EIF4G3: variants seen among roughly 807,000 people sequenced by gnomAD.
EIF4G3 encodes eIF-4-gamma 3.
EIF4G3 carries 34 observed loss-of-function variants against 186.4 expected under a neutral mutation model. The ratio of observed to expected loss-of-function variants is 0.18; its 90% CI spans 0.14 to 0.24. The LOEUF (loss-of-function observed/expected upper bound fraction) is 0.24. Among genes scored for constraint, EIF4G3 ranks in the 10% least tolerant of loss-of-function variants. The probability of loss-of-function intolerance (pLI) is 1.00; values close to 1 mark genes in which losing one functional copy is unlikely to be tolerated. For synonymous variants in EIF4G3, 673 were observed against 679.5 expected (o/e 0.99, Z 0.15); for missense variants, 1,536 against 1,948.5 (o/e 0.79, Z 3.99).
At chr1:21,141,939 A>C (rs1189748683) in intron 2 of EIF4G3, among the ~76,000 whole-genome samples, 4 of 152,202 alleles carry the variant, frequency 2.6e-5, no homozygotes, top group African/African-American at 9.6e-5. Flanking sequence ...TGTCTCCAAA[A>C]AAAAAAACAA....
intron 2 of EIF4G3, among the ~76,000 whole-genome samples, chr1:21,097,070 A>C (rs1410402350): frequency 1.3e-5 from 2 of 152,220 alleles, no homozygotes; most frequent in Non-Finnish European, 2.9e-5. Context: ...TTACCACAAA[A>C]AATAAACTTT....
Position 20,879,461 on chromosome 1 carries a change from T to C in EIF4G3, c.2484A>G (p.Gln828=), listed in dbSNP as rs772540197. 19 of 1,566,654 alleles carry C rather than the reference T, an allele frequency of 1.2e-5. No individual in the cohort carries two copies. In the East Asian group the frequency reaches 2.4e-4, roughly 19 times the overall value. The change falls in exon 20 of 37, where the codon CAA becomes CAG. Residue 828 remains glutamine (Q), a synonymous_variant. Transcript: ENST00000602326. ...TAAGTCCTGACACTTGCTTCATCAG[T>C]TGATTGAACATCTGTGGTGTCAATT... is the stretch of plus-strand genomic sequence containing the variant. ...LNKLTPQMFN[Q]LMKQVSGLTV...
At chr1:21,025,930 G>C (rs963902466) in intron 4 of EIF4G3, among the ~76,000 whole-genome samples, 1 of 152,086 alleles carries the variant, frequency 6.6e-6, no homozygotes, top group Non-Finnish European at 1.5e-5. Flanking sequence ...ATTATCCCCT[G>C]TTCATGAACT....
At chr1:20,888,226 A>T (rs1371637718) in intron 18 of EIF4G3, among the ~76,000 whole-genome samples, 1 of 152,198 alleles carries the variant, frequency 6.6e-6, no homozygotes, top group Non-Finnish European at 1.5e-5. Flanking sequence ...TGAGTTTCAA[A>T]TGAGCAACAG....
chr1:20,815,662 G>GC (rs1187545464), intron 34 of EIF4G3, among the ~76,000 whole-genome samples: 4 of 140,284 alleles, frequency 2.9e-5, no homozygotes, highest in African/African-American at 8.1e-5. Context: ...GGGGGGGTCA[G>GC]CCCCCCGCCC....
In EIF4G3 at chr1:21,176,889, A is replaced by G. The variant is rs1335655521; in HGVS notation, c.-623T>C. 2 of 691,572 alleles carry G rather than the reference A, an allele frequency of 2.9e-6. No individual in the cohort carries two copies. Among genetic ancestry groups the G allele is most frequent in the Non-Finnish European group, 5.3e-6 (2 of 378,946 alleles). 42.8% of individuals were successfully genotyped at this position (691,572 alleles called of 1,614,324 possible). ...CTGTGGCCGCCTCCAGCAGTCCGGCAGGACGGCTGCTCGGAAAACTTCGGA... is the reference window on the plus strand; with the variant it reads ...CTGTGGCCGCCTCCAGCAGTCCGGCGGGACGGCTGCTCGGAAAACTTCGGA... On this transcript the variant is annotated 5_prime_UTR_variant, in exon 1 of 37. Coordinates refer to ENST00000602326, the MANE Select transcript of EIF4G3 (RefSeq NM_001391906.1).
At position 21,022,568 on chromosome 1, in the gene EIF4G3, A is replaced by G. The variant is rs151222479; in HGVS notation, c.-66-19760T>C. ...CAGGCTTCTTTTCCCATTCCCACTA[A>G]TAAGTTATACTTTCCCTCAATAACA... is the stretch of plus-strand genomic sequence containing the variant. On this transcript the variant is annotated intron_variant, in intron 4 of 36. Coordinates refer to ENST00000602326, the MANE Select transcript of EIF4G3 (RefSeq NM_001391906.1). Among the ~76,000 whole-genome samples the G allele has an allele frequency of 9.5e-4, 145 of 152,282 alleles. 1 individual carries two copies. In the East Asian group the frequency reaches 0.027, roughly 28 times the overall value.
intron 33 of EIF4G3, among the ~76,000 whole-genome samples, chr1:20,824,181 TTCTAAG>T (rs1309084702): frequency 1.3e-5 from 2 of 152,242 alleles, no homozygotes; most frequent in African/African-American, 4.8e-5. Flanking sequence ...CTTCCACCTC[TTCTAAG>T]TCCAGTAACA....
chr1:21,029,991 G>A (rs1400863857), intron 4 of EIF4G3, among the ~76,000 whole-genome samples: 1 of 152,096 alleles, frequency 6.6e-6, no homozygotes, highest in African/African-American at 2.4e-5. Context: ...AAGTAGCTGA[G>A]ACTACAGGTG....
chr1:20,864,945 C>G (rs1042923179), intron 21 of EIF4G3, among the ~76,000 whole-genome samples, 171 bp downstream of exon 21: 1 of 151,954 alleles, frequency 6.6e-6, no homozygotes, highest in East Asian at 1.9e-4. Flanking sequence ...ATATTAGGCA[C>G]TAAAAGGAAC....
At chr1:20,966,807 T>A (rs867546068) in intron 12 of EIF4G3, among the ~76,000 whole-genome samples, 31 of 152,204 alleles carry the variant, frequency 2.0e-4, no homozygotes, top group Non-Finnish European at 1.6e-4. Context: ...CAAATGTCAG[T>A]TGTCATCATT....
In EIF4G3 at chr1:21,138,311, G is replaced by A. The variant is rs941187318; in HGVS notation, c.-272+37864C>T. Among the ~76,000 whole-genome samples the A allele has an allele frequency of 1.7e-4, 26 of 152,160 alleles. 1 individual carries two copies. Among genetic ancestry groups the A allele is most frequent in the Admixed American group, 6.5e-5 (1 of 15,268 alleles). ...TCTTCACTGTCTAGAAAGAAGTCAC[G>A]AAAATTAACTCAATAGGTACATGAA... On this transcript the variant is annotated intron_variant, in intron 2 of 36. Coordinates refer to ENST00000602326, the MANE Select transcript of EIF4G3 (RefSeq NM_001391906.1).
At position 21,042,139 on chromosome 1, in the gene EIF4G3, G is replaced by A. The variant is rs112771708; in HGVS notation, c.-67+8727C>T. On this transcript the variant is annotated intron_variant, in intron 4 of 36. Coordinates refer to ENST00000602326, the MANE Select transcript of EIF4G3 (RefSeq NM_001391906.1). The stretch of plus-strand genomic sequence containing the variant: ...TCAGGTGAGACGAGAGGCCCACGCC[G>A]CCATACCCGGCTAATTTTTGTAGAG... Among the ~76,000 whole-genome samples the A allele has an allele frequency of 6.2e-3, 937 of 152,052 alleles. 13 individuals carry two copies. Among genetic ancestry groups the A allele is most frequent in the East Asian group, 0.023 (121 of 5,150 alleles).
In EIF4G3 at chr1:21,111,369, T is replaced by G. The variant is rs554343401; in HGVS notation, c.-271-22156A>C. The G allele has an allele frequency of 2.1e-4, 99 of 471,652 alleles. 1 individual carries two copies. Among genetic ancestry groups the G allele is most frequent in the South Asian group, 1.3e-3 (84 of 64,564 alleles). The allele number at this position is 471,652 out of a possible 1,614,324, so 29.2% of individuals were successfully genotyped here. A position where few individuals can be genotyped will look rare whatever the true frequency, so the allele number is the denominator to read the frequency against. ...CTCCAAACTTCAGTTTCCTCATCAATACTCTGTGGGATTGCTGGAAAGAAT... is the reference window on the plus strand; with the variant it reads ...CTCCAAACTTCAGTTTCCTCATCAAGACTCTGTGGGATTGCTGGAAAGAAT... On this transcript the variant is annotated intron_variant, in intron 2 of 36. Transcript: ENST00000602326.
intron 26 of EIF4G3, 90 bp downstream of exon 26, chr1:20,854,888 A>C (rs2154550976): frequency 4.5e-6 from 5 of 1,120,858 alleles, no homozygotes; most frequent in Non-Finnish European, 6.5e-6. Flanking sequence ...CATCTTTCCC[A>C]AAAACCATCA....
intron 34 of EIF4G3, 111 bp downstream of exon 34, chr1:20,817,281 A>T (rs12126757): frequency 0.39 from 141,318 of 366,678 alleles, 28,804 homozygotes; most frequent in Admixed American, 0.45. Context: ...AATAAATAAA[A>T]AAAAATAAAA....
intron 7 of EIF4G3, among the ~76,000 whole-genome samples, chr1:20,997,081 C>A (rs998084815): frequency 6.6e-6 from 1 of 151,886 alleles, no homozygotes; most frequent in African/African-American, 2.4e-5. Context: ...TCTATGTGTT[C>A]TAATAATAAA....
intron 29 of EIF4G3, among the ~76,000 whole-genome samples, chr1:20,842,922 G>A (rs1022790042): frequency 1.3e-5 from 2 of 150,376 alleles, no homozygotes; most frequent in African/African-American, 4.9e-5. Context: ...ATAGATCACT[G>A]CTGCTTCAAA....
chr1:21,169,032 G>A (rs556865838), intron 2 of EIF4G3, among the ~76,000 whole-genome samples: 1 of 152,098 alleles, frequency 6.6e-6, no homozygotes, highest in East Asian at 1.9e-4. Flanking sequence ...TTAGCTAGGT[G>A]TGGTGGCACA....
Sources: allele counts gnomAD v4.1 joint callset (sites outside exome capture counted in the v4.1 genomes callset), GRCh38; gene constraint gnomAD v4.1.1; transcripts MANE v1.5; gene names NCBI Gene and HGNC (gene_info 2026-07-23, HGNC 2026-07-21).